TDRD5: variants seen among roughly 807,000 people sequenced by gnomAD.
TDRD5 encodes tudor domain containing 5, also known as tudor domain-containing protein 5.
In TDRD5, 41 loss-of-function variants were observed where a neutral mutation model predicts 120.6. That is an observed-to-expected ratio of 0.34 (90% CI 0.26 to 0.44). The LOEUF is 0.44. Among genes scored for constraint, TDRD5 ranks in the 20% least tolerant of loss-of-function variants. The probability of loss-of-function intolerance (pLI) is 1.00; values close to 1 mark genes in which losing one functional copy is unlikely to be tolerated. For synonymous variants in TDRD5, 430 were observed against 433.7 expected, an observed-to-expected ratio of 0.99 and a Z score of 0.11; for missense variants, 1,006 against 1,221.2, an observed-to-expected ratio of 0.82 and a Z score of 2.63.
In TDRD5 at chr1:179,592,736, A is replaced by C; in HGVS notation, c.121A>C (p.Asn41His). The part of the protein sequence containing the change: ...LEKEYLLMVG[N>H]HLPLRILGYR... ...GAAGGAGTACCTTTTGATGGTTGGC[A>C]ACCATCTACCACTCCGAATCCTTGG... The change falls in exon 2 of 18, where the codon AAC becomes CAC. Residue 41 changes from asparagine (N) to histidine (H), a missense_variant. Coordinates refer to ENST00000444136, the MANE Select transcript of TDRD5 (RefSeq NM_001199085.3). 1 of 1,614,138 alleles carries C rather than the reference A, an allele frequency of 6.2e-7. No individual in the cohort carries two copies. Among genetic ancestry groups the C allele is most frequent in the Non-Finnish European group, 8.5e-7 (1 of 1,180,022 alleles).
At chr1:179,661,644 A>G (rs1679318877) in intron 14 of TDRD5, among the ~76,000 whole-genome samples, 1 of 152,164 alleles carries the variant, frequency 6.6e-6, no homozygotes. Context: ...AGTTCTTGGA[A>G]TAGGGGAGAG....
intron 4 of TDRD5, among the ~76,000 whole-genome samples, chr1:179,603,338 T>C (rs958760375): frequency 6.6e-6 from 1 of 152,204 alleles, no homozygotes; most frequent in Non-Finnish European, 1.5e-5. Flanking sequence ...ACAATTTGAC[T>C]TTCTCTTTAC....
intron 11 of TDRD5, among the ~76,000 whole-genome samples, chr1:179,649,824 A>G (rs987574909): frequency 3.9e-5 from 6 of 152,202 alleles, no homozygotes; most frequent in African/African-American, 1.4e-4. Context: ...ATGGTTGAAT[A>G]ATAAAGGCTG....
At chr1:179,642,854 A>C (rs916759942) in intron 11 of TDRD5, among the ~76,000 whole-genome samples, 1 of 152,194 alleles carries the variant, frequency 6.6e-6, no homozygotes, top group African/African-American at 2.4e-5. Flanking sequence ...TATTATGCCC[A>C]TTAGCAAAAT....
chr1:179,635,041 C>G (rs1677689681), intron 8 of TDRD5, among the ~76,000 whole-genome samples: 1 of 152,106 alleles, frequency 6.6e-6, no homozygotes, highest in Admixed American at 6.5e-5. Flanking sequence ...CACAGTTCAC[C>G]CTTTTTGTGT....
At chr1:179,631,865 T>G (rs1315219643) in intron 7 of TDRD5, among the ~76,000 whole-genome samples, 6 of 149,768 alleles carry the variant, frequency 4.0e-5, no homozygotes, top group African/African-American at 1.5e-4. Flanking sequence ...TTTTTTTTTT[T>G]TTTTTTTTGT....
At chr1:179,637,076 AT>A (rs1161172505) in intron 9 of TDRD5, among the ~76,000 whole-genome samples, 1 of 152,232 alleles carries the variant, frequency 6.6e-6, no homozygotes, top group Non-Finnish European at 1.5e-5. Flanking sequence ...ACCACTTTAG[AT>A]TTATTCATGA....
intron 11 of TDRD5, among the ~76,000 whole-genome samples, chr1:179,649,527 C>T (rs1678595850): frequency 6.6e-6 from 1 of 152,026 alleles, no homozygotes; most frequent in South Asian, 2.1e-4. Flanking sequence ...CTGAATTAAC[C>T]TATGAGGTTT....
At chr1:179,686,945 T>C (rs763120631) in intron 17 of TDRD5, among the ~76,000 whole-genome samples, 14 of 152,182 alleles carry the variant, frequency 9.2e-5, no homozygotes, top group Non-Finnish European at 1.0e-4. Context: ...TGTTCTTTAT[T>C]AGTCTTGCTA....
intron 17 of TDRD5, among the ~76,000 whole-genome samples, chr1:179,676,514 G>A (rs996382617): frequency 2.0e-5 from 3 of 152,166 alleles, no homozygotes; most frequent in Non-Finnish European, 2.9e-5. Flanking sequence ...TCAAGATTTA[G>A]TGCTCCTTTA....
chr1:179,640,651 G>A (rs1558399297), intron 11 of TDRD5, among the ~76,000 whole-genome samples: 1 of 152,190 alleles, frequency 6.6e-6, no homozygotes, highest in Non-Finnish European at 1.5e-5. Flanking sequence ...AGAATGAATG[G>A]TAGAGGTGCA....
At chr1:179,679,590 G>T (rs1240070277) in intron 17 of TDRD5, among the ~76,000 whole-genome samples, 2 of 151,908 alleles carry the variant, frequency 1.3e-5, no homozygotes, top group African/African-American at 4.8e-5. Context: ...GTAAACTTTG[G>T]TAGTTTTGTC....
intron 14 of TDRD5, 73 bp downstream of exon 14, chr1:179,654,435 G>T: frequency 7.2e-7 from 1 of 1,386,328 alleles, no homozygotes; most frequent in Non-Finnish European, 9.5e-7. Context: ...AAGAGGACTG[G>T]AATAAACTCT....
At chr1:179,633,426 A>G (rs2102007660) in intron 7 of TDRD5, among the ~76,000 whole-genome samples, 1 of 151,612 alleles carries the variant, frequency 6.6e-6, no homozygotes, top group Middle Eastern at 3.4e-3. Context: ...ATCTTGGCTC[A>G]CTGCAACCTC....
intron 11 of TDRD5, among the ~76,000 whole-genome samples, chr1:179,646,538 T>G (rs1229371037): frequency 6.8e-6 from 1 of 147,402 alleles, no homozygotes; most frequent in Non-Finnish European, 1.5e-5. Flanking sequence ...CTTTGAAAAC[T>G]GGCACAAGAC....
At position 179,654,293 on chromosome 1, in the gene TDRD5, T is replaced by G; in HGVS notation, c.2253T>G (p.Cys751Trp). 6.5e-7 allele frequency: 1 copy of G among 1,549,810 alleles called. No individual in the cohort carries two copies. The highest frequency in any genetic ancestry group is 8.7e-7 in the Non-Finnish European group (1 of 1,146,562). Residue 751 changes from cysteine (C) to tryptophan (W), a missense_variant, in exon 14 of 18, where the codon TGT becomes TGG. Cys to Trp is a radical substitution (Grantham distance 215, BLOSUM62 -2). This residue lies in a region of TDRD5 where 403 missense variants were observed against 448.1 expected (regional missense o/e 0.90). Transcript: ENST00000444136. The part of the protein sequence containing the change: ...KDSEFESLKT[C>W]NKSFEEDPKW... ...CTGAATTTGAGTCTTTGAAAACCTG[T>G]AATAAGAGCTTTGAAGAAGATCCAA...
intron 11 of TDRD5, among the ~76,000 whole-genome samples, chr1:179,647,095 A>T (rs1188935586): frequency 6.7e-6 from 1 of 149,740 alleles, no homozygotes; most frequent in African/African-American, 2.5e-5. Context: ...AATTGGAAAA[A>T]ACTACTTTAA....
At chr1:179,622,990 G>A (rs1394154273) in intron 6 of TDRD5, among the ~76,000 whole-genome samples, 1 of 152,138 alleles carries the variant, frequency 6.6e-6, no homozygotes, top group African/African-American at 2.4e-5. Context: ...AATTCTGAAA[G>A]CAGCCAGACT....
intron 17 of TDRD5, among the ~76,000 whole-genome samples, chr1:179,688,651 G>A (rs1043448564): frequency 6.6e-6 from 1 of 152,154 alleles, no homozygotes; most frequent in Non-Finnish European, 1.5e-5. Context: ...TTCCAACTTG[G>A]TTCCATTCTC....
Sources: gnomAD v4.1 joint callset for allele counts (sites outside exome capture counted in the v4.1 genomes callset) on GRCh38, gnomAD v4.1.1 for gene constraint, gnomAD v4.1.1 regional missense constraint, MANE v1.5 for transcripts, NCBI Gene and HGNC (gene_info 2026-07-23, HGNC 2026-07-21) for gene names.